GPR17: variants seen among roughly 807,000 people sequenced by gnomAD.
The protein encoded by GPR17 is G protein-coupled receptor 17, also known as uracil nucleotide/cysteinyl leukotriene receptor.
In GPR17, 4 loss-of-function variants were observed where a neutral mutation model predicts 1.5. The ratio of observed to expected loss-of-function variants is 2.73; its 90% CI spans 1.35 to 6.25. The LOEUF (loss-of-function observed/expected upper bound fraction) is 6.25, where lower values mean the gene tolerates loss of function less well. Among genes scored for constraint, GPR17 ranks in the 30% most tolerant of loss-of-function variants. The pLI is 0.00. For missense variants in GPR17, 463 were observed against 462.1 expected (o/e 1.00, Z -0.02); for synonymous variants, 209 against 207.6 (o/e 1.01, Z -0.06).
intron 1 of GPR17, chr2:127,648,306 G>T (rs1683220446): frequency 1.9e-6 from 1 of 518,074 alleles, no homozygotes; most frequent in Non-Finnish European, 2.5e-6. Context: ...CCTGCCTAGA[G>T]AAATAGCTAA....
intron 1 of GPR17, chr2:127,650,178 C>T: frequency 3.6e-6 from 4 of 1,109,518 alleles, no homozygotes; most frequent in South Asian, 2.8e-5. Flanking sequence ...TCAGGGGAAG[C>T]AGAAAGCGGT....
chr2:127,650,657 A>G (rs1683650536), intron 1 of GPR17, 59 bp from the exon 2 acceptor site: 2 of 1,210,632 alleles, frequency 1.7e-6, no homozygotes, highest in South Asian at 1.4e-5. Flanking sequence ...TGGACTTCAG[A>G]GAGCGTGAAG....
At chr2:127,648,985 A>AGGG (rs1558877521) in intron 1 of GPR17, among the ~76,000 whole-genome samples, 1 of 17,116 alleles carries the variant, frequency 5.8e-5, no homozygotes, top group African/African-American at 2.2e-4. Flanking sequence ...GAGGGAGGGG[A>AGGG]GGGGAGGGAG....
Position 127,650,705 on chromosome 2 carries a change from G to C in GPR17, c.-20-11G>C, listed in dbSNP as rs1159283233. 6.3e-7 allele frequency: 1 copy of C among 1,586,052 alleles called. No individual in the cohort carries two copies. Among genetic ancestry groups the C allele is most frequent in the Admixed American group, 1.8e-5 (1 of 57,002 alleles). ...CAAGCTCATTGTGAACTGTTTGCTT[G>C]TTCCCTCCAGGCTCTGACTCCAGCC... is the stretch of plus-strand genomic sequence containing the variant. On this transcript the variant is annotated splice_polypyrimidine_tract_variant and intron_variant, in intron 1 of 1. Transcript: ENST00000486700.
In GPR17 at chr2:127,651,192, GC is replaced by G. The variant is rs1558882322; in HGVS notation, c.459del (p.Phe154SerfsTer15). The G allele has an allele frequency of 1.2e-6, 2 of 1,611,248 alleles. No homozygotes were observed. The highest frequency in any genetic ancestry group is 2.7e-5 in the African/African-American group (2 of 74,946). On this transcript the variant is annotated frameshift_variant, in exon 2 of 2. Coordinates refer to ENST00000486700, the MANE Select transcript of GPR17 (RefSeq NM_001161417.2). LOFTEE classifies it low-confidence loss of function (END_TRUNC). ...GCCCCTCTACGCACACCTGGCCTGT[GC>G]CTTCCTGTGGGTGGTGGTGGCTGTG... ...RRPLYAHLAC[A>X]FLWVVVAVAM...
Position 127,651,604 on chromosome 2 carries a change from G to A in GPR17, c.869G>A (p.Gly290Glu). 1 of 1,613,450 alleles carries A rather than the reference G, an allele frequency of 6.2e-7. No homozygotes were observed. The highest frequency in any genetic ancestry group is 8.5e-7 in the Non-Finnish European group (1 of 1,180,030). The stretch of plus-strand genomic sequence containing the variant: ...ACCTCCTGCCTCACCAGCCTCAACG[G>A]GGCACTCGACCCCATCATGTATTTC... ...RITSCLTSLN[G>E]ALDPIMYFFV... is the part of the protein sequence containing the mutation. Residue 290 changes from glycine (G) to glutamate (E), a missense_variant, in exon 2 of 2, where the codon GGG becomes GAG. By Grantham distance (98) the Gly-to-Glu change is moderately conservative. Coordinates refer to ENST00000486700, the MANE Select transcript of GPR17 (RefSeq NM_001161417.2).
intron 1 of GPR17, chr2:127,649,851 G>A (rs1389740477): frequency 2.0e-5 from 13 of 647,240 alleles, no homozygotes; most frequent in Non-Finnish European, 5.3e-6. Context: ...GTCCTCAACA[G>A]CGCTGGCCAG....
chr2:127,651,771 C>G lies in GPR17; in HGVS notation c.*16C>G. The G allele has an allele frequency of 1.2e-6, 2 of 1,607,030 alleles. No individual in the cohort carries two copies. The highest frequency in any genetic ancestry group is 1.7e-6 in the Non-Finnish European group (2 of 1,176,052). Reference sequence around the variant, plus strand: ...AGAGCTGTGAGCGGGGGGCGCCGTCCAGGCCGAGCGCAGACTGTTTAGGAC... The same window carrying G: ...AGAGCTGTGAGCGGGGGGCGCCGTCGAGGCCGAGCGCAGACTGTTTAGGAC... On this transcript the variant is annotated 3_prime_UTR_variant, in exon 2 of 2. Coordinates refer to ENST00000486700, the MANE Select transcript of GPR17 (RefSeq NM_001161417.2).
At chr2:127,648,512 C>T (rs778742312) in intron 1 of GPR17, among the ~76,000 whole-genome samples, 3 of 152,148 alleles carry the variant, frequency 2.0e-5, no homozygotes, top group Admixed American at 1.3e-4. Flanking sequence ...AGGATGGCTC[C>T]AGCCTCCTCC....
At position 127,647,452 on chromosome 2, in the gene GPR17, T is replaced by C. The variant is rs1558875482; in HGVS notation, c.-21+1208T>C. Among the ~76,000 whole-genome samples, 1 of 152,158 alleles carries C rather than the reference T, an allele frequency of 6.6e-6. No homozygotes were observed. Among genetic ancestry groups the C allele is most frequent in the Non-Finnish European group, 1.5e-5 (1 of 68,016 alleles). ...CTAACCTGCAACATGGGGCTAAAAC[T>C]GGTTTGAGCCAGCACAGGCAGGCCC... On this transcript the variant is annotated intron_variant, in intron 1 of 1. Transcript: ENST00000486700. The surrounding 1 kb of genome is among the most constrained non-coding windows in gnomAD (Gnocchi z 4.3).
chr2:127,651,616 C>T lies in GPR17; in HGVS notation c.881C>T (p.Pro294Leu). Residue 294 changes from proline (P) to leucine (L), a missense_variant, in exon 2 of 2, where the codon CCC (proline) becomes CTC (leucine). Physicochemically the swap from Pro to Leu is moderately conservative, Grantham distance 98. Coordinates refer to ENST00000486700, the MANE Select transcript of GPR17 (RefSeq NM_001161417.2). Reference sequence around the variant, plus strand: ...ACCAGCCTCAACGGGGCACTCGACCCCATCATGTATTTCTTCGTGGCTGAG... The same window carrying T: ...ACCAGCCTCAACGGGGCACTCGACCTCATCATGTATTTCTTCGTGGCTGAG... Reference protein sequence around the residue: ...CLTSLNGALDPIMYFFVAEKF... With the variant: ...CLTSLNGALDLIMYFFVAEKF... The T allele has an allele frequency of 6.2e-7, 1 of 1,613,602 alleles. No homozygotes were observed. The highest frequency in any genetic ancestry group is 2.2e-5 in the East Asian group (1 of 44,884).
chr2:127,650,134 G>C, intron 1 of GPR17: 2 of 1,482,210 alleles, frequency 1.3e-6, no homozygotes, highest in Admixed American at 1.9e-5. Flanking sequence ...GCCATCCTGG[G>C]GGCACCCTCC....
chr2:127,650,118 C>G, intron 1 of GPR17: 3 of 1,548,538 alleles, frequency 1.9e-6, no homozygotes, highest in Non-Finnish European at 2.6e-6. Flanking sequence ...GGGTACAGCC[C>G]TTGCTGCCAT....
At chr2:127,649,973 A>T in intron 1 of GPR17, 1 of 1,570,214 alleles carries the variant, frequency 6.4e-7, no homozygotes, top group Non-Finnish European at 8.7e-7. Context: ...ATACCCAGGC[A>T]CAGGCTTCTC....
rs190978926 is a variant in GPR17, at chr2:127,649,315, C to T, written c.-20-1401C>T. Among the ~76,000 whole-genome samples, 749 of 152,272 alleles carry T rather than the reference C, an allele frequency of 4.9e-3. 1 individual carries two copies. Among genetic ancestry groups the T allele is most frequent in the Admixed American group, 7.2e-3 (110 of 15,304 alleles). On this transcript the variant is annotated intron_variant, in intron 1 of 1. Coordinates refer to ENST00000486700, the MANE Select transcript of GPR17 (RefSeq NM_001161417.2). Reference sequence around the variant, plus strand: ...TGAGGACCCTGCCAGGGCTGTGGCCCGTGCCTCCTCCCCTCCTGCTGCCAC... The same window carrying T: ...TGAGGACCCTGCCAGGGCTGTGGCCTGTGCCTCCTCCCCTCCTGCTGCCAC...
In GPR17 at chr2:127,647,006, C is replaced by T. The variant is rs568250213; in HGVS notation, c.-21+762C>T. Among the ~76,000 whole-genome samples, 3 of 152,270 alleles carry T rather than the reference C, an allele frequency of 2.0e-5. No individual in the cohort carries two copies. Among genetic ancestry groups the T allele is most frequent in the African/African-American group, 4.8e-5 (2 of 41,562 alleles). ...TCAGTCCCAGAGAGAGCGAGGGGCA[C>T]GCCCTTCGGCCCGGGCAGGAAGTGG... is the stretch of plus-strand genomic sequence containing the variant. On this transcript the variant is annotated intron_variant, in intron 1 of 1. Transcript: ENST00000486700. This position sits in a 1 kb window ranked among gnomAD's most constrained non-coding sequence, Gnocchi z 4.3.
Position 127,652,520 on chromosome 2 carries a change from T to C in GPR17, c.*765T>C. On this transcript the variant is annotated 3_prime_UTR_variant, in exon 2 of 2. Coordinates refer to ENST00000486700, the MANE Select transcript of GPR17 (RefSeq NM_001161417.2). ...CTCCCACTGACCCAGACCCACTTCCTCCAGAGAGGCCTCTCTCCGCCTGAG... is the reference window on the plus strand; with the variant it reads ...CTCCCACTGACCCAGACCCACTTCCCCCAGAGAGGCCTCTCTCCGCCTGAG... 6.0e-6 allele frequency: 1 copy of C among 166,984 alleles called. No homozygotes were observed. The allele number at this position is 166,984 out of a possible 1,614,324, so 10.3% of individuals were successfully genotyped here. A position where few individuals can be genotyped will look rare whatever the true frequency, so the allele number is the denominator to read the frequency against.
Position 127,651,343 on chromosome 2 carries a change from T to C in GPR17, c.608T>C (p.Phe203Ser). The change falls in exon 2 of 2, where the codon TTC (phenylalanine) becomes TCC (serine). Residue 203 changes from phenylalanine (F) to serine (S), a missense_variant. Coordinates refer to ENST00000486700, the MANE Select transcript of GPR17 (RefSeq NM_001161417.2). ...ALVSLAVAFT[F>S]PFITTVTCYL... The stretch of plus-strand genomic sequence containing the variant: ...GTGTCCCTGGCAGTGGCCTTCACCT[T>C]CCCGTTCATCACCACGGTCACCTGC... The C allele has an allele frequency of 6.2e-7, 1 of 1,611,736 alleles. No homozygotes were observed. Among genetic ancestry groups the C allele is most frequent in the Admixed American group, 1.7e-5 (1 of 60,028 alleles).
In GPR17 at chr2:127,652,129, G is replaced by A; in HGVS notation, c.*374G>A. The A allele has an allele frequency of 3.7e-6, 1 of 273,100 alleles. No individual in the cohort carries two copies. Among genetic ancestry groups the A allele is most frequent in the Admixed American group, 4.9e-5 (1 of 20,202 alleles). 16.9% of individuals were successfully genotyped at this position (273,100 alleles called of 1,614,324 possible). A position where few individuals can be genotyped will look rare whatever the true frequency, so the allele number is the denominator to read the frequency against. ...CGGCGAGGCTCAGCAGAAAGACCCTGAAGGCAGGCTGCAAATGACCCAGAA... is the reference window on the plus strand; with the variant it reads ...CGGCGAGGCTCAGCAGAAAGACCCTAAAGGCAGGCTGCAAATGACCCAGAA... On this transcript the variant is annotated 3_prime_UTR_variant, in exon 2 of 2. Coordinates refer to ENST00000486700, the MANE Select transcript of GPR17 (RefSeq NM_001161417.2).
Sources: allele counts gnomAD v4.1 joint callset (sites outside exome capture counted in the v4.1 genomes callset), GRCh38; gene constraint gnomAD v4.1.1; non-coding constraint Gnocchi (gnomAD v3.1); transcripts MANE v1.5; gene names NCBI Gene and HGNC (gene_info 2026-07-23, HGNC 2026-07-21).